POU2F1: variants seen among roughly 807,000 people sequenced by gnomAD.
The protein encoded by POU2F1 is POU domain, class 2, transcription factor 1.
A neutral mutation model predicts 84.9 loss-of-function variants in POU2F1; 16 were observed. The ratio of observed to expected loss-of-function variants is 0.19; its 90% CI spans 0.13 to 0.29. POU2F1 has a LOEUF of 0.29. POU2F1 is among the 10% of genes least tolerant of loss of function. The probability of loss-of-function intolerance (pLI) is 1.00; values close to 1 mark genes in which losing one functional copy is unlikely to be tolerated. For synonymous variants in POU2F1, 368 were observed against 368.3 expected, an observed-to-expected ratio of 1.00 and a Z score of 0.01; for missense variants, 738 against 942.6, an observed-to-expected ratio of 0.78 and a Z score of 2.84.
chr1:167,382,291 A>G (rs1427049673), intron 7 of POU2F1, among the ~76,000 whole-genome samples: 2 of 152,202 alleles, frequency 1.3e-5, no homozygotes, highest in African/African-American at 4.8e-5. Flanking sequence ...TGGAGAAGCA[A>G]TATTTGAATT....
chr1:167,276,556 T>C (rs1571213536), intron 1 of POU2F1, among the ~76,000 whole-genome samples: 2 of 152,278 alleles, frequency 1.3e-5, no homozygotes, highest in African/African-American at 4.8e-5. Context: ...GGGACTATAT[T>C]CTTATAGAAG....
chr1:167,259,091 G>A (rs576608329), intron 1 of POU2F1, among the ~76,000 whole-genome samples: 80 of 152,310 alleles, frequency 5.3e-4, no homozygotes, highest in South Asian at 1.7e-3. Context: ...TGTGTTGGCC[G>A]AAGTTTGTGT....
chr1:167,249,708 A>G (rs1187381410), intron 1 of POU2F1, among the ~76,000 whole-genome samples: 1 of 152,172 alleles, frequency 6.6e-6, no homozygotes, highest in Non-Finnish European at 1.5e-5. Context: ...GAGGTCTGGG[A>G]GTATTGAGGT....
At chr1:167,374,959 C>A (rs373449448) in intron 6 of POU2F1, among the ~76,000 whole-genome samples, 12 of 151,000 alleles carry the variant, frequency 7.9e-5, no homozygotes, top group Admixed American at 5.3e-4. Flanking sequence ...CCCAGCTACG[C>A]GGGAGGTTGA....
intron 1 of POU2F1, among the ~76,000 whole-genome samples, chr1:167,276,109 A>G (rs1174795760): frequency 6.6e-6 from 1 of 152,158 alleles, no homozygotes; most frequent in Non-Finnish European, 1.5e-5. Context: ...TAAACGGAAA[A>G]TCCAAGACAT....
intron 1 of POU2F1, among the ~76,000 whole-genome samples, chr1:167,269,845 C>G (rs1456698864): frequency 2.0e-5 from 3 of 147,838 alleles, no homozygotes; most frequent in Non-Finnish European, 3.0e-5. Flanking sequence ...ACCTGGGTGA[C>G]AGAGGTTGCA....
chr1:167,241,720 A>G (rs1299304637), intron 1 of POU2F1: 1 of 152,222 alleles, frequency 6.6e-6, no homozygotes, highest in Non-Finnish European at 1.5e-5. Context: ...AATGTTTTAC[A>G]TGAATTGTCT....
At chr1:167,375,425 C>T (rs1003483257) in intron 6 of POU2F1, among the ~76,000 whole-genome samples, 1 of 152,118 alleles carries the variant, frequency 6.6e-6, no homozygotes, top group Admixed American at 6.6e-5. Flanking sequence ...CATGAAAACA[C>T]TTTGAAAATT....
chr1:167,413,931 A>G (rs545766554), intron 15 of POU2F1, among the ~76,000 whole-genome samples: 65 of 151,992 alleles, frequency 4.3e-4, no homozygotes, highest in Middle Eastern at 6.8e-3. Context: ...TGCTATGATC[A>G]TGCCTGTGAA....
chr1:167,346,980 C>T (rs932798957), intron 2 of POU2F1, among the ~76,000 whole-genome samples: 4 of 152,146 alleles, frequency 2.6e-5, no homozygotes, highest in African/African-American at 7.2e-5. Context: ...AAAAAATGAG[C>T]AGTAGCTAAG....
At chr1:167,341,068 A>G (rs889720023) in intron 2 of POU2F1, among the ~76,000 whole-genome samples, 3 of 152,126 alleles carry the variant, frequency 2.0e-5, no homozygotes, top group Non-Finnish European at 4.4e-5. Flanking sequence ...GGGGGAAGAA[A>G]TCTGTCCTAA....
intron 1 of POU2F1, among the ~76,000 whole-genome samples, chr1:167,245,817 A>G (rs1040104405): frequency 1.3e-5 from 2 of 152,196 alleles, no homozygotes; most frequent in African/African-American, 4.8e-5. Context: ...TTGGCCTCCC[A>G]AAGTGTTGGA....
intron 1 of POU2F1, among the ~76,000 whole-genome samples, chr1:167,330,329 C>A (rs527571155): frequency 6.6e-6 from 1 of 152,206 alleles, no homozygotes; most frequent in East Asian, 1.9e-4. Context: ...CGTTTGAATT[C>A]TTATGCATAA....
chr1:167,416,087 T>TAAAAAAAAAAAAA lies in POU2F1; in HGVS notation c.*284_*296dup, dbSNP rs34032944. Reference sequence around the variant, plus strand: ...ATTGGAGAACTTTCTAACCAAAAATTAAAAAAAAAAAAAAAAAAAGAAACA... The same window carrying TAAAAAAAAAAAAA: ...ATTGGAGAACTTTCTAACCAAAAATTAAAAAAAAAAAAAAAAAAAAAAAAAAAAAAAAGAAACA... On this transcript the variant is annotated 3_prime_UTR_variant, in exon 16 of 16. Transcript: ENST00000367866. 3.5e-4 allele frequency: 122 copies of TAAAAAAAAAAAAA among 351,622 alleles called. No homozygotes were observed. Among genetic ancestry groups the TAAAAAAAAAAAAA allele is most frequent in the Middle Eastern group, 1.5e-3 (2 of 1,326 alleles). 21.8% of individuals were successfully genotyped at this position (351,622 alleles called of 1,614,324 possible). A position where few individuals can be genotyped will look rare whatever the true frequency, so the allele number is the denominator to read the frequency against.
rs753062668 is a variant in POU2F1, at chr1:167,412,285, C to G, written c.1882C>G (p.Pro628Ala). The G allele has an allele frequency of 1.9e-6, 3 of 1,556,042 alleles. No homozygotes were observed. Among genetic ancestry groups the G allele is most frequent in the Non-Finnish European group, 2.6e-6 (3 of 1,146,874 alleles). The part of the protein sequence containing the change: ...AAGLNPSLMA[P>A]SQFAAGGALL... ...AGGACTAAACCCAAGCCTGATGGCACCCTCACAGTTTGCGGCTGGGTAAGG... is the reference window on the plus strand; with the variant it reads ...AGGACTAAACCCAAGCCTGATGGCAGCCTCACAGTTTGCGGCTGGGTAAGG... The change falls in exon 14 of 16, where the codon CCC becomes GCC. Residue 628 changes from proline (P) to alanine (A), a missense_variant. By Grantham distance (27) the Pro-to-Ala change is conservative. Coordinates refer to ENST00000367866, the MANE Select transcript of POU2F1 (RefSeq NM_002697.4).
rs2995099 is a variant in POU2F1 at position 167,425,254 on chromosome 1, C to T, written c.*9444C>T. Reference sequence around the variant, plus strand: ...TTTTGTTTTGTTTTGTTTTGTTTTTCAAATTTCCAGCCAAAACCAAAGATT... The same window carrying T: ...TTTTGTTTTGTTTTGTTTTGTTTTTTAAATTTCCAGCCAAAACCAAAGATT... On this transcript the variant is annotated 3_prime_UTR_variant, in exon 16 of 16. Transcript: ENST00000367866. 0.89 allele frequency: 133,417 copies of T among 150,332 alleles called. 60,577 individuals are homozygous for T. The highest frequency in any genetic ancestry group is 0.99 in the South Asian group (4,771 of 4,818). The allele number at this position is 150,332 out of a possible 1,614,324, so 9.3% of individuals were successfully genotyped here.
In POU2F1 at chr1:167,398,746, G is replaced by A. The variant is rs181353141; in HGVS notation, c.1270-440G>A. Among the ~76,000 whole-genome samples, 6 of 152,336 alleles carry A rather than the reference G, an allele frequency of 3.9e-5. No individual in the cohort carries two copies. In the East Asian group the frequency reaches 9.6e-4, roughly 24 times the overall value. On this transcript the variant is annotated intron_variant, in intron 11 of 15. Coordinates refer to ENST00000367866, the MANE Select transcript of POU2F1 (RefSeq NM_002697.4). ...ACATTGGGAGGACTCTGAATTAGGA[G>A]TTTTTGTCAGCTCTGCCACTTAAAC...
At chr1:167,291,666 G>A (rs564265029) in intron 1 of POU2F1, among the ~76,000 whole-genome samples, 1 of 152,184 alleles carries the variant, frequency 6.6e-6, no homozygotes, top group African/African-American at 2.4e-5. Flanking sequence ...CATTTTTTAA[G>A]GTTTTAATTT....
At chr1:167,329,371 T>A in intron 1 of POU2F1, 1 of 1,510,362 alleles carries the variant, frequency 6.6e-7, no homozygotes, top group Admixed American at 2.0e-5. Flanking sequence ...TCGGGTTGAC[T>A]ATGCATAAAT....
Sources: gnomAD v4.1 joint callset for allele counts (sites outside exome capture counted in the v4.1 genomes callset) on GRCh38, gnomAD v4.1.1 for gene constraint, MANE v1.5 for transcripts, NCBI Gene and HGNC (gene_info 2026-07-23, HGNC 2026-07-21) for gene names.